TFPI: variants seen among roughly 807,000 people sequenced by gnomAD.
The protein encoded by TFPI is tissue factor pathway inhibitor.
Under a neutral mutation model 34.6 loss-of-function variants are expected in TFPI, and 15 were observed. That is an observed-to-expected ratio of 0.43 (90% CI 0.29 to 0.67). TFPI has a LOEUF of 0.67. Among genes scored for constraint, TFPI ranks in the 30% least tolerant of loss-of-function variants. TFPI has a pLI of 0.15. For synonymous variants in TFPI, 105 were observed against 120.1 expected, an observed-to-expected ratio of 0.87 and a Z score of 0.82; for missense variants, 301 against 364.0, an observed-to-expected ratio of 0.83 and a Z score of 1.41.
At chr2:187,552,253 A>G (rs540524569) in intron 1 of TFPI, among the ~76,000 whole-genome samples, 1 of 152,140 alleles carries the variant, frequency 6.6e-6, no homozygotes, top group Non-Finnish European at 1.5e-5. Flanking sequence ...TTGATAGCAT[A>G]TTTACTATTT....
chr2:187,480,873 G>A (rs182478250), intron 6 of TFPI, among the ~76,000 whole-genome samples: 136 of 151,932 alleles, frequency 9.0e-4, no homozygotes, highest in Admixed American at 2.0e-3. Context: ...AAATTACACC[G>A]GAATTGTGCT....
intron 1 of TFPI, among the ~76,000 whole-genome samples, chr2:187,533,661 T>C (rs1688093637): frequency 6.6e-6 from 1 of 152,176 alleles, no homozygotes; most frequent in African/African-American, 2.4e-5. Context: ...TCTCTTCTCC[T>C]CCAAAGGATC....
intron 1 of TFPI, chr2:187,514,995 G>T (rs923613231): frequency 1.3e-5 from 2 of 152,226 alleles, no homozygotes; most frequent in Admixed American, 1.3e-4. Flanking sequence ...CCCTAGCCCT[G>T]GGGCTACCTG....
At chr2:187,546,516 G>T (rs1215890855) in intron 1 of TFPI, among the ~76,000 whole-genome samples, 1 of 151,562 alleles carries the variant, frequency 6.6e-6, no homozygotes, top group East Asian at 1.9e-4. Context: ...TACAAAACTA[G>T]TAGCTCCAAA....
rs1691741868 is a variant in TFPI, at chr2:187,466,902, TTAG to T, written c.*31_*33del. On this transcript the variant is annotated 3_prime_UTR_variant, in exon 8 of 8. Coordinates refer to ENST00000233156, the MANE Select transcript of TFPI (RefSeq NM_006287.6). Reference sequence around the variant, plus strand: ...TAGTGAAACATTTCATATAAAATATTTAGTAGAATTAATGTTACATTGCTATAA... The same window carrying T: ...TAGTGAAACATTTCATATAAAATATTTAGAATTAATGTTACATTGCTATAA... The T allele has an allele frequency of 4.4e-6, 5 of 1,138,482 alleles. No individual in the cohort carries two copies. The highest frequency in any genetic ancestry group is 5.3e-5 in the East Asian group (2 of 37,902). The allele number at this position is 1,138,482 out of a possible 1,614,324, so 70.5% of individuals were successfully genotyped here.
intron 1 of TFPI, among the ~76,000 whole-genome samples, chr2:187,506,019 CAAAT>C (rs1386005530): frequency 6.6e-6 from 1 of 151,468 alleles, no homozygotes; most frequent in East Asian, 1.9e-4. Flanking sequence ...AAGCAAAAGG[CAAAT>C]AAAGTACATG....
At chr2:187,477,769 A>G (rs920017497) in intron 6 of TFPI, among the ~76,000 whole-genome samples, 2 of 152,234 alleles carry the variant, frequency 1.3e-5, no homozygotes, top group African/African-American at 4.8e-5. Flanking sequence ...TCTTTTAAAA[A>G]TGTATTTATG....
chr2:187,478,160 G>C (rs1692509112), intron 6 of TFPI, among the ~76,000 whole-genome samples: 1 of 152,152 alleles, frequency 6.6e-6, no homozygotes, highest in South Asian at 2.1e-4. Flanking sequence ...AGGAGTTCGA[G>C]ACTAGCCTGG....
intron 1 of TFPI, among the ~76,000 whole-genome samples, chr2:187,536,722 A>G (rs1688278196): frequency 6.6e-6 from 1 of 151,912 alleles, no homozygotes; most frequent in South Asian, 2.1e-4. Context: ...ATAGTATTGG[A>G]AGTTCAGGCA....
Position 187,497,004 on chromosome 2 carries a change from T to C in TFPI, c.196A>G (p.Ile66Val), listed in dbSNP as rs1246337669. The change falls in exon 3 of 8, where the codon ATC becomes GTC. Residue 66 changes from isoleucine (I) to valine (V), a missense_variant. Ile to Val is a conservative substitution (Grantham distance 29). Transcript: ENST00000233156. The stretch of plus-strand genomic sequence containing the variant: ...ATATTGAAGAAAAATCTTTTCATGA[T>C]TGCTTTACATGGGCCATCATCCGCC... ...FKADDGPCKA[I>V]MKRFFFNIFT... The C allele has an allele frequency of 1.9e-6, 3 of 1,613,396 alleles. No individual in the cohort carries two copies. The highest frequency in any genetic ancestry group is 2.2e-5 in the East Asian group (1 of 44,814).
chr2:187,494,388 G>T (rs914886438), intron 3 of TFPI, among the ~76,000 whole-genome samples: 1 of 152,154 alleles, frequency 6.6e-6, no homozygotes, highest in African/African-American at 2.4e-5. Flanking sequence ...CTGTACTTGG[G>T]TTTCTTTCAT....
chr2:187,543,973 A>C (rs2106314034), intron 1 of TFPI, among the ~76,000 whole-genome samples: 1 of 152,306 alleles, frequency 6.6e-6, no homozygotes, highest in African/African-American at 2.4e-5. Flanking sequence ...AAATAAAAAT[A>C]TAGGAAAAAC....
rs548689124 is a variant in TFPI at position 187,508,865 on chromosome 2, T to A, written c.-2-5095A>T. Among the ~76,000 whole-genome samples, 9 of 152,326 alleles carry A rather than the reference T, an allele frequency of 5.9e-5. No homozygotes were observed. The South Asian group carries it at 1.7e-3, about 28-fold the overall frequency. ...AGAGCGGTGAGAGAGGGCATCTTTG[T>A]CTTGTACTGGCTTTCAAAGGGAATG... On this transcript the variant is annotated intron_variant, in intron 1 of 7. Coordinates refer to ENST00000233156, the MANE Select transcript of TFPI (RefSeq NM_006287.6).
intron 1 of TFPI, chr2:187,517,520 T>C (rs1443835607): frequency 6.6e-6 from 1 of 152,204 alleles, no homozygotes; most frequent in Non-Finnish European, 1.5e-5. Flanking sequence ...TTGTTATGAT[T>C]TCCATTATTT....
intron 6 of TFPI, chr2:187,478,784 A>T (rs1230603278): frequency 1.2e-5 from 19 of 1,612,936 alleles, no homozygotes; most frequent in Non-Finnish European, 1.6e-5. Flanking sequence ...TCCAACCATC[A>T]TTTGTTCCTT....
intron 3 of TFPI, among the ~76,000 whole-genome samples, chr2:187,492,681 C>G (rs901759236): frequency 2.6e-5 from 4 of 152,132 alleles, no homozygotes; most frequent in Non-Finnish European, 5.9e-5. Context: ...TTTGACTGCC[C>G]TGCTGGATTT....
rs8176551 is a variant in TFPI, at chr2:187,475,133, T to C, written c.629-7201A>G. Among the ~76,000 whole-genome samples, 809 of 152,280 alleles carry C rather than the reference T, an allele frequency of 5.3e-3. 9 individuals are homozygous for C. The highest frequency in any genetic ancestry group is 0.019 in the African/African-American group (779 of 41,572). ...ATAAAGGACAAACTTACACTTTTAT[T>C]ATTCTCATACTCCCAGTACCTATGG... On this transcript the variant is annotated intron_variant, in intron 6 of 7. Coordinates refer to ENST00000233156, the MANE Select transcript of TFPI (RefSeq NM_006287.6).
At chr2:187,468,854 G>T (rs1574357946) in intron 6 of TFPI, among the ~76,000 whole-genome samples, 2 of 151,982 alleles carry the variant, frequency 1.3e-5, no homozygotes, top group African/African-American at 4.8e-5. Context: ...GTATGGCAAG[G>T]AATCAATACA....
chr2:187,551,856 C>A (rs1222658328), intron 1 of TFPI, among the ~76,000 whole-genome samples: 1 of 151,940 alleles, frequency 6.6e-6, no homozygotes, highest in Non-Finnish European at 1.5e-5. Flanking sequence ...AGGCAGCCTG[C>A]CAAATTTAAT....
Sources: gnomAD v4.1 joint callset for allele counts (sites outside exome capture counted in the v4.1 genomes callset) on GRCh38, gnomAD v4.1.1 for gene constraint, MANE v1.5 for transcripts, NCBI Gene and HGNC (gene_info 2026-07-23, HGNC 2026-07-21) for gene names.